The following HDAC7 variants were observed in gnomAD, a reference collection of about 807,000 sequenced individuals.
HDAC7 encodes the protein histone deacetylase 7A.
Under a neutral mutation model 115.5 loss-of-function variants are expected in HDAC7, and 26 were observed. The ratio of observed to expected loss-of-function variants is 0.23; its 90% CI spans 0.16 to 0.31. The LOEUF (loss-of-function observed/expected upper bound fraction) is 0.31, where lower values mean the gene tolerates loss of function less well. HDAC7 is among the 10% of genes least tolerant of loss of function. The probability of loss-of-function intolerance (pLI) is 1.00; values close to 1 mark genes in which losing one functional copy is unlikely to be tolerated. For missense variants in HDAC7, 1,068 were observed against 1,329.0 expected, an observed-to-expected ratio of 0.80 and a Z score of 3.05; for synonymous variants, 564 against 550.9, an observed-to-expected ratio of 1.02 and a Z score of -0.33.
At chr12:47,788,283 C>A in intron 19 of HDAC7, 119 bp from the exon 20 acceptor site, 2 of 1,315,142 alleles carry the variant, frequency 1.5e-6, no homozygotes, top group African/African-American at 1.5e-5. Context: ...GGATCAGGAA[C>A]CTGGGGTTCC....
chr12:47,786,502 T>C (rs1943178426), intron 22 of HDAC7, 83 bp downstream of exon 22: 2 of 975,108 alleles, frequency 2.1e-6, no homozygotes, highest in Non-Finnish European at 1.6e-6. Flanking sequence ...CCACCTTCCC[T>C]TTCTGACTTG....
intron 24 of HDAC7, chr12:47,784,820 A>G: frequency 1.3e-6 from 2 of 1,522,618 alleles, no homozygotes; most frequent in Non-Finnish European, 1.8e-6. Context: ...GGAATCAGCC[A>G]TGTCTTTACC....
Position 47,795,793 on chromosome 12 carries a change from G to A in HDAC7, c.907-26C>T, listed in dbSNP as rs746932476. ...CTGGGGGAGAGGCGGGAGAAGTCACGGGGAAGAAGATTCCAGCAGAGAACA... is the reference window on the plus strand; with the variant it reads ...CTGGGGGAGAGGCGGGAGAAGTCACAGGGAAGAAGATTCCAGCAGAGAACA... On this transcript the variant is annotated intron_variant, in intron 9 of 25. Coordinates refer to ENST00000080059, the MANE Select transcript of HDAC7 (RefSeq NM_015401.5). The surrounding 1 kb of genome is among the most constrained non-coding windows in gnomAD (Gnocchi z 4.3). 55 of 1,518,712 alleles carry A rather than the reference G, an allele frequency of 3.6e-5. No individual in the cohort carries two copies. Among genetic ancestry groups the A allele is most frequent in the Non-Finnish European group, 4.6e-5 (52 of 1,129,620 alleles). 94.1% of individuals were successfully genotyped at this position (1,518,712 alleles called of 1,614,324 possible).
Position 47,783,874 on chromosome 12 carries a change from C to A in HDAC7, c.2943G>T (p.Gln981His). The change falls in exon 26 of 26, where the codon CAG becomes CAT. Residue 981 changes from glutamine (Q) to histidine (H), a missense_variant. Physicochemically the swap from Gln to His is conservative, Grantham distance 24. Coordinates refer to ENST00000080059, the MANE Select transcript of HDAC7 (RefSeq NM_015401.5). ...GILAEDRPSE[Q>H]LVEEEEPMNL is the part of the protein sequence containing the mutation. ...TCATAGGTTCTTCCTCCTCCACCAG[C>A]TGCTCCGAGGGCCTGTGGGGAGGGA... The A allele has an allele frequency of 6.2e-7, 1 of 1,612,484 alleles. No individual in the cohort carries two copies. Among genetic ancestry groups the A allele is most frequent in the Non-Finnish European group, 8.5e-7 (1 of 1,179,638 alleles).
chr12:47,795,687 C>A lies in HDAC7; in HGVS notation c.987G>T (p.Leu329=). 1 of 1,551,278 alleles carries A rather than the reference C, an allele frequency of 6.4e-7. No homozygotes were observed. The highest frequency in any genetic ancestry group is 8.7e-7 in the Non-Finnish European group (1 of 1,147,078). Residue 329 remains leucine, a synonymous_variant, in exon 10 of 26, where the codon CTG becomes CTT. Coordinates refer to ENST00000080059, the MANE Select transcript of HDAC7 (RefSeq NM_015401.5). This position sits in a 1 kb window ranked among gnomAD's most constrained non-coding sequence, Gnocchi z 4.3. ...CAGCCTCGGGCTCCAAGCCATGGGGCAGGAAGAGGGGAGTGTGGGGGCTCC... is the reference window on the plus strand; with the variant it reads ...CAGCCTCGGGCTCCAAGCCATGGGGAAGGAAGAGGGGAGTGTGGGGGCTCC... ...ILGSPHTPLF[L]PHGLEPEAGG... is the part of the protein sequence containing the mutation.
intron 13 of HDAC7, chr12:47,792,598 C>T (rs113033286): frequency 1.3e-5 from 6 of 454,254 alleles, no homozygotes; most frequent in African/African-American, 4.0e-5. Flanking sequence ...AATTTCTGTG[C>T]GTCTAGGACA....
rs1169590302 is a variant in HDAC7, at chr12:47,803,228, C to T, written c.20-954G>A. ...AGTTCAGGGTCAAGGGGACAGGAGG[C>T]CAGGAGACCCAGAGGCTGCCTGGAC... On this transcript the variant is annotated intron_variant, in intron 1 of 25. Coordinates refer to ENST00000080059, the MANE Select transcript of HDAC7 (RefSeq NM_015401.5). This position sits in a 1 kb window ranked among gnomAD's most constrained non-coding sequence, Gnocchi z 4.0. 2.0e-5 allele frequency among the ~76,000 whole-genome samples: 3 copies of T among 152,194 alleles called. No individual in the cohort carries two copies. Among genetic ancestry groups the T allele is most frequent in the African/African-American group, 7.2e-5 (3 of 41,452 alleles).
Position 47,798,996 on chromosome 12 carries a change from G to T in HDAC7, c.71-24C>A. On this transcript the variant is annotated intron_variant, in intron 2 of 25. Coordinates refer to ENST00000080059, the MANE Select transcript of HDAC7 (RefSeq NM_015401.5). This position sits in a 1 kb window ranked among gnomAD's most constrained non-coding sequence, Gnocchi z 4.3. The stretch of plus-strand genomic sequence containing the variant: ...GCCTAGGGACAGAGAGAGGGAGCAG[G>T]GTAAACTGGAAAGTTTGTCCTCGGG... The T allele has an allele frequency of 3.4e-6, 5 of 1,452,312 alleles. No homozygotes were observed. The highest frequency in any genetic ancestry group is 4.6e-6 in the Non-Finnish European group (5 of 1,098,136). The allele number at this position is 1,452,312 out of a possible 1,614,324, so 90.0% of individuals were successfully genotyped here. A position where few individuals can be genotyped will look rare whatever the true frequency, so the allele number is the denominator to read the frequency against.
At chr12:47,810,398 G>C (rs1480587669) in intron 1 of HDAC7, among the ~76,000 whole-genome samples, 6 of 152,142 alleles carry the variant, frequency 3.9e-5, no homozygotes, top group East Asian at 1.9e-4. Flanking sequence ...TGCTTACTCA[G>C]CCTGCCTCCT....
intron 22 of HDAC7, 94 bp from the exon 23 acceptor site, chr12:47,785,979 TAAAG>T: frequency 8.0e-7 from 1 of 1,256,930 alleles, no homozygotes; most frequent in East Asian, 2.5e-5. Flanking sequence ...TCCTCCCTAA[TAAAG>T]AATGACTCAC....
Position 47,798,789 on chromosome 12 carries a change from A to T in HDAC7, c.254T>A (p.Met85Lys). The T allele has an allele frequency of 6.4e-7, 1 of 1,556,410 alleles. No homozygotes were observed. The highest frequency in any genetic ancestry group is 1.2e-5 in the South Asian group (1 of 84,508). The change falls in exon 3 of 26, where the codon ATG (methionine) becomes AAG (lysine). Residue 85 changes from methionine to lysine, a missense_variant. Transcript: ENST00000080059. The surrounding 1 kb of genome is among the most constrained non-coding windows in gnomAD (Gnocchi z 4.3). ...TGCAGGGAGCTCCATCTTTACCCTCATGGGCTCCACCGAGCGCTGCTGCTG... is the reference window on the plus strand; with the variant it reads ...TGCAGGGAGCTCCATCTTTACCCTCTTGGGCTCCACCGAGCGCTGCTGCTG... ...GLQQQRSVEP[M>K]RLSMDTPMPE...
chr12:47,798,650 G>A lies in HDAC7; in HGVS notation c.261C>T (p.Leu87=), dbSNP rs1218199562. ...ACTCGGGCATCGGCGTGTCCATGGA[G>A]AGCTGTGGGCAGGGCCGGCAGCCCA... ...QQQRSVEPMR[L]SMDTPMPELQ... Residue 87 remains leucine, a splice_region_variant and synonymous_variant, in exon 4 of 26, where the codon CTC becomes CTT. Transcript: ENST00000080059. The surrounding 1 kb of genome is among the most constrained non-coding windows in gnomAD (Gnocchi z 4.3). 1.2e-6 allele frequency: 2 copies of A among 1,612,914 alleles called. No individual in the cohort carries two copies. The highest frequency in any genetic ancestry group is 4.5e-5 in the East Asian group (2 of 44,852).
rs1943752703 is a variant in HDAC7 at position 47,795,308 on chromosome 12, C to T, written c.1160G>A (p.Gly387Asp). Residue 387 changes from glycine (G) to aspartate (D), a missense_variant, in exon 11 of 26, where the codon GGC becomes GAC. Transcript: ENST00000080059. The surrounding 1 kb of genome is among the most constrained non-coding windows in gnomAD (Gnocchi z 4.3). The part of the protein sequence containing the change: ...LMTTERLSGS[G>D]LHWPLSRTRS... ...AGTCCGGCTCAGTGGCCAGTGGAGG[C>T]CTGACCCAGAGAGCCGCTCGGTGGT... 1 of 1,613,054 alleles carries T rather than the reference C, an allele frequency of 6.2e-7. No homozygotes were observed. Among genetic ancestry groups the T allele is most frequent in the African/African-American group, 1.3e-5 (1 of 74,922 alleles).
intron 1 of HDAC7, among the ~76,000 whole-genome samples, chr12:47,816,242 C>T (rs1434358593): frequency 6.6e-6 from 1 of 152,002 alleles, no homozygotes; most frequent in Non-Finnish European, 1.5e-5. Flanking sequence ...AGCAAATGGT[C>T]CAGGAACCCG....
rs749865685 is a variant in HDAC7 at position 47,797,092 on chromosome 12, G to A, written c.628C>T (p.Arg210Trp). The A allele has an allele frequency of 3.1e-6, 5 of 1,608,764 alleles. No individual in the cohort carries two copies. The highest frequency in any genetic ancestry group is 4.2e-6 in the Non-Finnish European group (5 of 1,177,656). Residue 210 changes from arginine (R) to tryptophan (W), a missense_variant, in exon 7 of 26, where the codon CGG (arginine) becomes TGG (tryptophan). Coordinates refer to ENST00000080059, the MANE Select transcript of HDAC7 (RefSeq NM_015401.5). This position sits in a 1 kb window ranked among gnomAD's most constrained non-coding sequence, Gnocchi z 5.5. ...TTTCGGAGCAGTGGATTCTTCCTCCGCTCCAGGGACTTCTTGGGCTTATAG... is the reference window on the plus strand; with the variant it reads ...TTTCGGAGCAGTGGATTCTTCCTCCACTCCAGGGACTTCTTGGGCTTATAG... ...LRYKPKKSLE[R>W]RKNPLLRKES...
intron 2 of HDAC7, 70 bp downstream of exon 2, chr12:47,802,154 G>T: frequency 6.7e-7 from 1 of 1,485,034 alleles, no homozygotes; most frequent in African/African-American, 1.4e-5. Context: ...TCAGCTTCTC[G>T]CGTTCTTACA....
intron 24 of HDAC7, 181 bp downstream of exon 24, chr12:47,785,206 G>A: frequency 1.6e-6 from 1 of 617,386 alleles, no homozygotes; most frequent in Non-Finnish European, 2.8e-6. Context: ...GGGCTCAGAG[G>A]ATAACCCCTC....
chr12:47,796,696 T>C (rs1210606687), intron 7 of HDAC7, among the ~76,000 whole-genome samples: 2 of 152,152 alleles, frequency 1.3e-5, no homozygotes, highest in African/African-American at 4.8e-5. Flanking sequence ...AGTGCTGAGA[T>C]TATAGGCGTG....
At chr12:47,784,356 C>T (rs1477135024) in intron 24 of HDAC7, 139 bp from the exon 25 acceptor site, 8 of 839,180 alleles carry the variant, frequency 9.5e-6, no homozygotes, top group Non-Finnish European at 1.4e-5. Flanking sequence ...GGTCGGCTCT[C>T]CCACCTGCCC....
Sources: gnomAD v4.1 joint callset for allele counts (sites outside exome capture counted in the v4.1 genomes callset) on GRCh38, gnomAD v4.1.1 for gene constraint, Gnocchi (gnomAD v3.1) non-coding constraint, MANE v1.5 for transcripts, NCBI Gene and HGNC (gene_info 2026-07-23, HGNC 2026-07-21) for gene names.